The following CNGB1 variants were observed in gnomAD, a reference collection of about 807,000 sequenced individuals.
CNGB1 encodes cyclic nucleotide gated channel subunit beta 1.
A neutral mutation model predicts 151.7 loss-of-function variants in CNGB1; 126 were observed. The ratio of observed to expected loss-of-function variants is 0.83; its 90% CI spans 0.72 to 0.96. The LOEUF (loss-of-function observed/expected upper bound fraction) is 0.96, where lower values mean the gene tolerates loss of function less well. Ranked by LOEUF, CNGB1 falls within the 40% of genes least tolerant of loss-of-function variation. The pLI is 0.00. For missense variants in CNGB1, 1,698 were observed against 1,627.0 expected, an observed-to-expected ratio of 1.04 and a Z score of -0.75; for synonymous variants, 623 against 635.1, an observed-to-expected ratio of 0.98 and a Z score of 0.29.
At chr16:57,958,230 G>A (rs1221275221) in intron 11 of CNGB1, among the ~76,000 whole-genome samples, 180 bp downstream of exon 11, 1 of 131,946 alleles carries the variant, frequency 7.6e-6, no homozygotes, top group Non-Finnish European at 1.6e-5. Context: ...GTGAACTCCT[G>A]GCAGGTGGGG....
chr16:57,904,177 G>A (rs1487298991), intron 26 of CNGB1, among the ~76,000 whole-genome samples, 196 bp from the exon 27 acceptor site: 1 of 152,116 alleles, frequency 6.6e-6, no homozygotes, highest in Non-Finnish European at 1.5e-5. Context: ...GCATGGATGT[G>A]GGGAAGAGGA....
chr16:57,931,566 G>A (rs1252161777), intron 17 of CNGB1, 150 bp downstream of exon 17: 13 of 888,562 alleles, frequency 1.5e-5, no homozygotes, highest in Middle Eastern at 2.5e-4. Context: ...TTAGGAAAAC[G>A]AGGAAGGGGC....
chr16:57,917,242 C>T, intron 21 of CNGB1, 26 bp downstream of exon 21: 1 of 1,601,272 alleles, frequency 6.2e-7, no homozygotes, highest in Admixed American at 1.7e-5. Flanking sequence ...CCCCGGTCAC[C>T]CCAACACCAC....
chr16:57,949,480 C>T, intron 13 of CNGB1, 41 bp from the exon 14 acceptor site: 1 of 1,612,122 alleles, frequency 6.2e-7, no homozygotes, highest in Non-Finnish European at 8.5e-7. Context: ...CCACCCGAAG[C>T]TGCCCCGCTG....
intron 19 of CNGB1, 66 bp downstream of exon 19, chr16:57,920,321 G>C: frequency 6.3e-7 from 1 of 1,584,796 alleles, no homozygotes; most frequent in Non-Finnish European, 8.6e-7. Context: ...GCCATGAGTT[G>C]ACAGGGAACT....
chr16:57,961,481 C>A (rs1292769591), intron 7 of CNGB1, among the ~76,000 whole-genome samples: 4 of 152,172 alleles, frequency 2.6e-5, no homozygotes, highest in African/African-American at 9.7e-5. Flanking sequence ...GTTCCCAGGA[C>A]AACCGGTTCC....
At chr16:57,919,396 T>C in intron 19 of CNGB1, 142 bp from the exon 20 acceptor site, 2 of 1,507,494 alleles carry the variant, frequency 1.3e-6, no homozygotes, top group Admixed American at 2.0e-5. Flanking sequence ...AAGCTCTGTG[T>C]GCAGAACCCA....
Position 57,917,252 on chromosome 16 carries a change from C to T in CNGB1, c.2166+16G>A, listed in dbSNP as rs772255796. On this transcript the variant is annotated intron_variant, in intron 21 of 32. Coordinates refer to ENST00000251102, the MANE Select transcript of CNGB1 (RefSeq NM_001297.5). ...TCTGCCCCCGGTCACCCCAACACCA[C>T]CTGCCTGTGACTCACAATGATGTCC... 4.2e-5 allele frequency: 68 copies of T among 1,607,746 alleles called. No homozygotes were observed. Among genetic ancestry groups the T allele is most frequent in the South Asian group, 6.7e-5 (6 of 90,174 alleles).
At chr16:57,952,592 T>A (rs1961980949) in intron 12 of CNGB1, among the ~76,000 whole-genome samples, 1 of 125,398 alleles carries the variant, frequency 8.0e-6, no homozygotes, top group Non-Finnish European at 1.6e-5. Flanking sequence ...AACCTCCGCC[T>A]CCCATTCAAG....
chr16:57,957,500 A>T (rs566413361), intron 11 of CNGB1, 123 bp from the exon 12 acceptor site: 14 of 816,552 alleles, frequency 1.7e-5, no homozygotes, highest in Non-Finnish European at 2.7e-5. Context: ...GTCCCATGGG[A>T]TGGAGAAGAG....
At chr16:57,951,543 G>A (rs1188328428) in intron 12 of CNGB1, among the ~76,000 whole-genome samples, 1 of 152,136 alleles carries the variant, frequency 6.6e-6, no homozygotes, top group Non-Finnish European at 1.5e-5. Context: ...GACTTTAAAT[G>A]GAAGCCGGCC....
At position 57,884,023 on chromosome 16, in the gene CNGB1, G is replaced by T; in HGVS notation, c.*141C>A. The T allele has an allele frequency of 8.1e-7, 1 of 1,234,432 alleles. No individual in the cohort carries two copies. 76.5% of individuals were successfully genotyped at this position (1,234,432 alleles called of 1,614,324 possible). On this transcript the variant is annotated 3_prime_UTR_variant, in exon 33 of 33. Transcript: ENST00000251102. ...CTGGCGTGCTGGCGGGACGGTCAGA[G>T]CTGCAGCCACTGAGGTCACGACTAC...
At position 57,911,287 on chromosome 16, in the gene CNGB1, C is replaced by T. The variant is rs369120965; in HGVS notation, c.2492+466G>A. Among the ~76,000 whole-genome samples the T allele has an allele frequency of 1.2e-4, 18 of 152,236 alleles. No individual in the cohort carries two copies. The East Asian group carries it at 2.9e-3, about 24-fold the overall frequency. On this transcript the variant is annotated intron_variant, in intron 25 of 32. Coordinates refer to ENST00000251102, the MANE Select transcript of CNGB1 (RefSeq NM_001297.5). ...TTGGGGAAGATGTAGTGACCTGGCT[C>T]TTTTTCTATTTTTATTTTTTGAGAT...
At chr16:57,901,221 C>T (rs767979468) in intron 29 of CNGB1, 131 bp downstream of exon 29, 55 of 915,252 alleles carry the variant, frequency 6.0e-5, no homozygotes, top group Non-Finnish European at 7.7e-5. Context: ...AGCATGAAGC[C>T]GCAGACGCTC....
intron 16 of CNGB1, among the ~76,000 whole-genome samples, chr16:57,938,934 T>C (rs1464114541): frequency 6.6e-6 from 1 of 152,126 alleles, no homozygotes; most frequent in Non-Finnish European, 1.5e-5. Context: ...CAGGAAAAGC[T>C]CATAAAGAGA....
Position 57,917,379 on chromosome 16 carries a change from C to T in CNGB1, c.2055G>A (p.Pro685=), listed in dbSNP as rs374574053. 4.3e-5 allele frequency: 70 copies of T among 1,613,842 alleles called. No individual in the cohort carries two copies. The highest frequency in any genetic ancestry group is 2.5e-4 in the African/African-American group (19 of 74,842). ...PVRWAFPYQT[P]DNIHHWLLMD... ...TCAGCAGCCAGTGGTGGATGTTGTCCGGGGTCTGGTAGGGGAAGGCCCAGC... is the reference window on the plus strand; with the variant it reads ...TCAGCAGCCAGTGGTGGATGTTGTCTGGGGTCTGGTAGGGGAAGGCCCAGC... The change falls in exon 21 of 33, where the codon CCG becomes CCA. Residue 685 remains proline (P), a synonymous_variant. Transcript: ENST00000251102.
chr16:57,894,929 G>A (rs1960182560), intron 31 of CNGB1, among the ~76,000 whole-genome samples: 1 of 152,208 alleles, frequency 6.6e-6, no homozygotes, highest in Admixed American at 6.5e-5. Context: ...AAGGGTAGTG[G>A]AGGAAGAGAA....
chr16:57,923,464 C>T (rs1961104309), intron 17 of CNGB1, 84 bp from the exon 18 acceptor site: 1 of 1,092,230 alleles, frequency 9.2e-7, no homozygotes, highest in Non-Finnish European at 1.4e-6. Flanking sequence ...CCCTAAAGAT[C>T]ATCTAGAGCC....
chr16:57,941,935 T>C (rs1961679055), intron 14 of CNGB1, among the ~76,000 whole-genome samples: 3 of 152,174 alleles, frequency 2.0e-5, no homozygotes, highest in Admixed American at 1.3e-4. Context: ...CACTACAGCC[T>C]CAACCTCCCA....
Sources: gnomAD v4.1 joint callset for allele counts (sites outside exome capture counted in the v4.1 genomes callset) on GRCh38, gnomAD v4.1.1 for gene constraint, MANE v1.5 for transcripts, NCBI Gene and HGNC (gene_info 2026-07-23, HGNC 2026-07-21) for gene names.